Variants in VEGFC observed in about 807,000 individuals in gnomAD.
VEGFC encodes the protein FLT4 ligand DHM.
VEGFC carries 12 observed loss-of-function variants against 46.1 expected under a neutral mutation model. That is an observed-to-expected ratio of 0.26 (90% CI 0.17 to 0.42). The LOEUF (loss-of-function observed/expected upper bound fraction) is 0.42, where lower values mean the gene tolerates loss of function less well. Ranked by LOEUF, VEGFC falls within the 10% of genes least tolerant of loss-of-function variation. The pLI, the probability that VEGFC is intolerant of heterozygous loss-of-function variation, is 1.00. For missense variants in VEGFC, 488 were observed against 529.4 expected (o/e 0.92, Z 0.77); for synonymous variants, 232 against 195.5 (o/e 1.19, Z -1.56).
chr4:176,690,139 A>G (rs1379631736), intron 4 of VEGFC, among the ~76,000 whole-genome samples: 1 of 152,160 alleles, frequency 6.6e-6, no homozygotes, highest in Non-Finnish European at 1.5e-5. Flanking sequence ...CTTTGACTTC[A>G]TACTAATAAC....
At chr4:176,739,016 G>T (rs1213655513) in intron 1 of VEGFC, among the ~76,000 whole-genome samples, 1 of 151,276 alleles carries the variant, frequency 6.6e-6, no homozygotes, top group Non-Finnish European at 1.5e-5. Flanking sequence ...CCTCTCAAAA[G>T]AAGACATACA....
intron 1 of VEGFC, among the ~76,000 whole-genome samples, chr4:176,742,230 C>T (rs1735187924): frequency 6.6e-6 from 1 of 152,058 alleles, no homozygotes; most frequent in Admixed American, 6.6e-5. Context: ...AAAACGGCCT[C>T]CAGCAGAGTC....
chr4:176,702,021 T>C (rs1734442672), intron 4 of VEGFC, among the ~76,000 whole-genome samples: 1 of 152,134 alleles, frequency 6.6e-6, no homozygotes, highest in African/African-American at 2.4e-5. Flanking sequence ...TGGCTAAAAG[T>C]ACAACTTATG....
At chr4:176,788,095 T>C (rs907322413) in intron 1 of VEGFC, among the ~76,000 whole-genome samples, 4 of 152,234 alleles carry the variant, frequency 2.6e-5, no homozygotes, top group African/African-American at 4.8e-5. Flanking sequence ...AATCCACTTA[T>C]TTGTGAAAGG....
At chr4:176,692,828 CGA>C (rs1734228896) in intron 4 of VEGFC, among the ~76,000 whole-genome samples, 1 of 144,920 alleles carries the variant, frequency 6.9e-6, no homozygotes, top group Non-Finnish European at 1.5e-5. Context: ...CCCTGACCCC[CGA>C]GCAGCCTAAC....
chr4:176,692,166 G>A (rs1452725679), intron 4 of VEGFC, among the ~76,000 whole-genome samples: 2 of 151,660 alleles, frequency 1.3e-5, no homozygotes, highest in Non-Finnish European at 2.9e-5. Flanking sequence ...AGGCCGAGGC[G>A]GGCGGATCAC....
At chr4:176,716,153 T>C (rs916740743) in intron 3 of VEGFC, among the ~76,000 whole-genome samples, 1 of 152,178 alleles carries the variant, frequency 6.6e-6, no homozygotes, top group African/African-American at 2.4e-5. Context: ...TTTTAAAATT[T>C]TTATTTAAAA....
rs569428158 is a variant in VEGFC at position 176,779,717 on chromosome 4, T to C, written c.147+12448A>G. On this transcript the variant is annotated intron_variant, in intron 1 of 6. Transcript: ENST00000618562. ...ATAGGAAGGGAACTGCTAATGTCAG[T>C]GCGAAAGCAAAGCCCCCAGATAGGA... Among the ~76,000 whole-genome samples the C allele has an allele frequency of 9.4e-5, 11 of 117,614 alleles. 1 individual carries two copies. Among genetic ancestry groups the C allele is most frequent in the Admixed American group, 8.6e-4 (9 of 10,446 alleles). The allele number at this position is 117,614 out of a possible 152,430, so 77.2% of individuals were successfully genotyped here. A position where few individuals can be genotyped will look rare whatever the true frequency, so the allele number is the denominator to read the frequency against.
intron 1 of VEGFC, among the ~76,000 whole-genome samples, chr4:176,781,364 C>T (rs1384528254): frequency 6.6e-6 from 1 of 152,190 alleles, no homozygotes; most frequent in Non-Finnish European, 1.5e-5. Context: ...TTTTTCAAAA[C>T]ATAAACTTGG....
chr4:176,786,066 A>G (rs1451101170), intron 1 of VEGFC, among the ~76,000 whole-genome samples: 1 of 152,180 alleles, frequency 6.6e-6, no homozygotes, highest in Non-Finnish European at 1.5e-5. Flanking sequence ...CTGTAATGAG[A>G]AAGGCAGAGT....
intron 1 of VEGFC, among the ~76,000 whole-genome samples, chr4:176,783,385 T>C (rs1266234428): frequency 6.6e-6 from 1 of 152,244 alleles, no homozygotes; most frequent in Non-Finnish European, 1.5e-5. Flanking sequence ...CTGTGATGAT[T>C]TCATTGTAAA....
chr4:176,713,623 A>C (rs1202492120), intron 3 of VEGFC, among the ~76,000 whole-genome samples: 1 of 152,158 alleles, frequency 6.6e-6, no homozygotes, highest in Non-Finnish European at 1.5e-5. Context: ...GCCATTGAAA[A>C]GTCATGAACA....
intron 1 of VEGFC, among the ~76,000 whole-genome samples, chr4:176,733,710 C>T (rs554959052): frequency 1.3e-4 from 20 of 151,686 alleles, no homozygotes; most frequent in African/African-American, 4.3e-4. Context: ...TGTCAAAACT[C>T]GCTATAAACA....
At chr4:176,717,152 C>A (rs534801896) in intron 3 of VEGFC, among the ~76,000 whole-genome samples, 4 of 151,652 alleles carry the variant, frequency 2.6e-5, no homozygotes, top group Non-Finnish European at 5.9e-5. Context: ...CAATGTAGGA[C>A]ACAAAAAAAG....
Position 176,792,171 on chromosome 4 carries a change from C to T in VEGFC, c.141G>A (p.Glu47=), listed in dbSNP as rs1395333446. ...AACCCTAACGCAGACCTACCGTGGCCTCGCCCGCGTCGGGCTCCGCGTCCG... is the reference window on the plus strand; with the variant it reads ...AACCCTAACGCAGACCTACCGTGGCTTCGCCCGCGTCGGGCTCCGCGTCCG... The part of the protein sequence containing the change: ...DLSDAEPDAG[E]ATAYASKDLE... The change falls in exon 1 of 7, where the codon GAG becomes GAA. Residue 47 remains glutamate, a synonymous_variant. Coordinates refer to ENST00000618562, the MANE Select transcript of VEGFC (RefSeq NM_005429.5). The surrounding 1 kb of genome is among the most constrained non-coding windows in gnomAD (Gnocchi z 6.3). 6.6e-7 allele frequency: 1 copy of T among 1,510,064 alleles called. No individual in the cohort carries two copies. Among genetic ancestry groups the T allele is most frequent in the Non-Finnish European group, 8.8e-7 (1 of 1,133,530 alleles). 93.5% of individuals were successfully genotyped at this position (1,510,064 alleles called of 1,614,324 possible). A position where few individuals can be genotyped will look rare whatever the true frequency, so the allele number is the denominator to read the frequency against.
intron 3 of VEGFC, among the ~76,000 whole-genome samples, chr4:176,724,442 C>T (rs1282054930): frequency 6.6e-6 from 1 of 152,170 alleles, no homozygotes; most frequent in Non-Finnish European, 1.5e-5. Flanking sequence ...AATCAAGTAA[C>T]AATGACTACA....
At chr4:176,697,129 T>C (rs548189797) in intron 4 of VEGFC, among the ~76,000 whole-genome samples, 1,787 of 151,496 alleles carry the variant, frequency 0.012, 18 homozygotes, top group Non-Finnish European at 0.019. Flanking sequence ...ACAAAATTGA[T>C]AAATGGGATC....
At position 176,683,734 on chromosome 4, in the gene VEGFC, CA is replaced by C. The variant is rs1337329181; in HGVS notation, c.*191del. Reference sequence around the variant, plus strand: ...GGCTGTTTGGTCATTGGCAGAAAACCAGTCTTTACAAGAGGCCTTTTGCAGA... The same window carrying C: ...GGCTGTTTGGTCATTGGCAGAAAACCGTCTTTACAAGAGGCCTTTTGCAGA... On this transcript the variant is annotated 3_prime_UTR_variant, in exon 7 of 7. Coordinates refer to ENST00000618562, the MANE Select transcript of VEGFC (RefSeq NM_005429.5). 1 of 399,216 alleles carries C rather than the reference CA, an allele frequency of 2.5e-6. No individual in the cohort carries two copies. Among genetic ancestry groups the C allele is most frequent in the Non-Finnish European group, 4.4e-6 (1 of 225,010 alleles). 24.7% of individuals were successfully genotyped at this position (399,216 alleles called of 1,614,324 possible). A position where few individuals can be genotyped will look rare whatever the true frequency, so the allele number is the denominator to read the frequency against.
intron 1 of VEGFC, among the ~76,000 whole-genome samples, chr4:176,778,549 T>C (rs1178691034): frequency 6.6e-6 from 1 of 152,204 alleles, no homozygotes; most frequent in Non-Finnish European, 1.5e-5. Context: ...ACATATATTA[T>C]AATCAAATGT....
Sources: allele counts gnomAD v4.1 joint callset (sites outside exome capture counted in the v4.1 genomes callset), GRCh38; gene constraint gnomAD v4.1.1; non-coding constraint Gnocchi (gnomAD v3.1); transcripts MANE v1.5; gene names NCBI Gene and HGNC (gene_info 2026-07-23, HGNC 2026-07-21).